Variants in CACYBP observed in about 807,000 individuals in gnomAD.
The protein encoded by CACYBP is calcyclin binding protein.
Under a neutral mutation model 29.6 loss-of-function variants are expected in CACYBP, and 11 were observed. That is an observed-to-expected ratio of 0.37 (90% CI 0.23 to 0.61). The LOEUF (loss-of-function observed/expected upper bound fraction) is 0.61. Among genes scored for constraint, CACYBP ranks in the 20% least tolerant of loss-of-function variants. The pLI is 0.65. For missense variants in CACYBP, 163 were observed against 260.7 expected (o/e 0.63, Z 2.58); for synonymous variants, 73 against 88.3 (o/e 0.83, Z 0.97).
intron 5 of CACYBP, among the ~76,000 whole-genome samples, chr1:175,009,643 C>CAAAAAAAAAAAAAAAAAAAAAAAAAAAA (rs67446162): frequency 9.9e-6 from 1 of 100,506 alleles, no homozygotes; most frequent in Non-Finnish European, 1.9e-5. Context: ...AGGACTGTCT[C>CAAAAAAAAAAAAAAAAAAAAAAAAAAAA]AAAAAAAAAA....
At position 175,004,657 on chromosome 1, in the gene CACYBP, C is replaced by T. The variant is rs1197990104; in HGVS notation, c.59C>T (p.Ala20Val). The part of the protein sequence containing the change: ...LEEVKVLLEK[A>V]TRKRVRDALT... Reference sequence around the variant, plus strand: ...GAGGTAAAGGTGTTGCTGGAAAAGGCTACTAGGAAAAGAGTACGTGATGCC... The same window carrying T: ...GAGGTAAAGGTGTTGCTGGAAAAGGTTACTAGGAAAAGAGTACGTGATGCC... Residue 20 changes from alanine to valine, a missense_variant, in exon 2 of 6, where the codon GCT becomes GTT. Coordinates refer to ENST00000367679, the MANE Select transcript of CACYBP (RefSeq NM_014412.3). 6.2e-7 allele frequency: 1 copy of T among 1,612,278 alleles called. No homozygotes were observed.
At chr1:175,000,692 C>G (rs1672455212) in intron 1 of CACYBP, 2 of 815,750 alleles carry the variant, frequency 2.5e-6, no homozygotes, top group South Asian at 5.3e-5. Flanking sequence ...TTTAGCTTCT[C>G]TGTGTCGCAG....
At chr1:175,005,536 G>C (rs1335314187) in intron 2 of CACYBP, among the ~76,000 whole-genome samples, 6 of 152,154 alleles carry the variant, frequency 3.9e-5, no homozygotes, top group Non-Finnish European at 7.4e-5. Flanking sequence ...TGAGTGTGAA[G>C]GGTGAGTCGT....
chr1:175,004,969 A>G, intron 2 of CACYBP, 136 bp downstream of exon 2: 1 of 710,036 alleles, frequency 1.4e-6, no homozygotes, highest in Non-Finnish European at 2.6e-6. Flanking sequence ...TTTTTATTTA[A>G]TAAAACTTTT....
chr1:175,002,363 G>A (rs1672513840), intron 1 of CACYBP, among the ~76,000 whole-genome samples: 1 of 152,026 alleles, frequency 6.6e-6, no homozygotes, highest in African/African-American at 2.4e-5. Flanking sequence ...TTTGATATGC[G>A]TTTACCCAAT....
At chr1:175,007,070 AGAT>A (rs754817774) in intron 3 of CACYBP, 25 bp from the exon 4 acceptor site, 1 of 1,401,426 alleles carries the variant, frequency 7.1e-7, no homozygotes, top group Non-Finnish European at 1.0e-6. Flanking sequence ...AGAACTAGAA[AGAT>A]GATGTATTCA....
rs1672737166 is a variant in CACYBP at position 175,011,018 on chromosome 1, C to G, written c.*939C>G. 6.7e-6 allele frequency: 1 copy of G among 150,200 alleles called. No individual in the cohort carries two copies. Among genetic ancestry groups the G allele is most frequent in the African/African-American group, 2.5e-5 (1 of 40,616 alleles). 9.3% of individuals were successfully genotyped at this position (150,200 alleles called of 1,614,324 possible). ...ATCCCAGCTACTAAGGCTGGAGGAT[C>G]ACTTCAGCCCAGGAGTTTAAGGCTG... is the stretch of plus-strand genomic sequence containing the variant. On this transcript the variant is annotated 3_prime_UTR_variant, in exon 6 of 6. Transcript: ENST00000367679.
At position 175,011,713 on chromosome 1, in the gene CACYBP, T is replaced by C. The variant is rs1672761429; in HGVS notation, c.*1634T>C. On this transcript the variant is annotated 3_prime_UTR_variant, in exon 6 of 6. Transcript: ENST00000367679. ...ATAAACCAGTGTTTTTACCTTTCAC[T>C]TGAAAAAGAAGTATAAAAACAACTG... The C allele has an allele frequency of 6.6e-6, 1 of 152,198 alleles. No individual in the cohort carries two copies. The highest frequency in any genetic ancestry group is 2.4e-5 in the African/African-American group (1 of 41,448). 9.4% of individuals were successfully genotyped at this position (152,198 alleles called of 1,614,324 possible). A position where few individuals can be genotyped will look rare whatever the true frequency, so the allele number is the denominator to read the frequency against.
rs1455248406 is a variant in CACYBP, at chr1:175,010,313, A to AGGGT, written c.*235_*238dup. On this transcript the variant is annotated 3_prime_UTR_variant, in exon 6 of 6. Coordinates refer to ENST00000367679, the MANE Select transcript of CACYBP (RefSeq NM_014412.3). ...GTACCCTGGTCATTTTGTTCAAGGAAGGGTTATATTGCATTCTCACGTGAA... is the reference window on the plus strand; with the variant it reads ...GTACCCTGGTCATTTTGTTCAAGGAAGGGTGGGTTATATTGCATTCTCACGTGAA... The AGGGT allele has an allele frequency of 8.8e-6, 3 of 341,930 alleles. No homozygotes were observed. The highest frequency in any genetic ancestry group is 4.2e-5 in the African/African-American group (2 of 47,338). 21.2% of individuals were successfully genotyped at this position (341,930 alleles called of 1,614,324 possible).
At chr1:175,000,539 T>G (rs1034896545) in intron 1 of CACYBP, 2 of 1,214,254 alleles carry the variant, frequency 1.6e-6, no homozygotes, top group Non-Finnish European at 2.1e-6. Context: ...GACAGGAAGC[T>G]TCATTCAAGC....
At chr1:175,000,412 G>T in intron 1 of CACYBP, 1 of 1,404,730 alleles carries the variant, frequency 7.1e-7, no homozygotes. Flanking sequence ...TCGCCTGCTG[G>T]GCTCGAGCGG....
Position 175,009,887 on chromosome 1 carries a change from C to T in CACYBP, c.531-36C>T, listed in dbSNP as rs771182530. 20 of 1,559,138 alleles carry T rather than the reference C, an allele frequency of 1.3e-5. No individual in the cohort carries two copies. The Admixed American group carries it at 1.5e-4, about 12-fold the overall frequency. ...GAATGATAGTATCTTCCGGTGCTTTCGTTTCCCCATTGTTGTATATGTTTT... is the reference window on the plus strand; with the variant it reads ...GAATGATAGTATCTTCCGGTGCTTTTGTTTCCCCATTGTTGTATATGTTTT... On this transcript the variant is annotated intron_variant, in intron 5 of 5. Transcript: ENST00000367679.
chr1:175,007,952 T>C (rs1672657158), intron 4 of CACYBP, among the ~76,000 whole-genome samples: 1 of 152,228 alleles, frequency 6.6e-6, no homozygotes, highest in African/African-American at 2.4e-5. Context: ...GTTTTTATAA[T>C]ACATAATTAC....
At chr1:175,003,886 G>A (rs1337252682) in intron 1 of CACYBP, among the ~76,000 whole-genome samples, 1 of 152,152 alleles carries the variant, frequency 6.6e-6, no homozygotes, top group African/African-American at 2.4e-5. Flanking sequence ...TGATGGATTG[G>A]CAAGAGAAGA....
chr1:175,010,833 A>ATGTC lies in CACYBP; in HGVS notation c.*755_*758dup, dbSNP rs1233455238. 2 of 152,208 alleles carry ATGTC rather than the reference A, an allele frequency of 1.3e-5. No homozygotes were observed. The highest frequency in any genetic ancestry group is 3.9e-4 in the East Asian group (2 of 5,194). The allele number at this position is 152,208 out of a possible 1,614,324, so 9.4% of individuals were successfully genotyped here. ...TTTTATGATTTATTTGTCTAGGAGT[A>ATGTC]TGTCAGAAAAATCAGGCTTTTAGTA... On this transcript the variant is annotated 3_prime_UTR_variant, in exon 6 of 6. Coordinates refer to ENST00000367679, the MANE Select transcript of CACYBP (RefSeq NM_014412.3).
At chr1:175,009,841 T>C in intron 5 of CACYBP, 82 bp from the exon 6 acceptor site, 1 of 1,075,224 alleles carries the variant, frequency 9.3e-7, no homozygotes, top group Non-Finnish European at 1.4e-6. Flanking sequence ...TCCCTCTACT[T>C]CCTGCCAGTG....
Position 175,011,106 on chromosome 1 carries a change from T to TAAAAAAAAAAAAAAAAAA in CACYBP, c.*1031_*1048dup, listed in dbSNP as rs535813233. On this transcript the variant is annotated 3_prime_UTR_variant, in exon 6 of 6. Coordinates refer to ENST00000367679, the MANE Select transcript of CACYBP (RefSeq NM_014412.3). Reference sequence around the variant, plus strand: ...GTAACAGATTGAGAACCTGTCTCATTAAAAAAAAAAAAAAAAAAAAAGCCG... The same window carrying TAAAAAAAAAAAAAAAAAA: ...GTAACAGATTGAGAACCTGTCTCATTAAAAAAAAAAAAAAAAAAAAAAAAAAAAAAAAAAAAAAAGCCG... 1.2e-5 allele frequency: 1 copy of TAAAAAAAAAAAAAAAAAA among 85,224 alleles called. No homozygotes were observed. The allele number at this position is 85,224 out of a possible 1,614,324, so 5.3% of individuals were successfully genotyped here.
At chr1:175,009,168 C>T (rs1479353481) in intron 5 of CACYBP, among the ~76,000 whole-genome samples, 2 of 152,078 alleles carry the variant, frequency 1.3e-5, no homozygotes, top group Non-Finnish European at 2.9e-5. Flanking sequence ...AAGACCCAGG[C>T]CCAGATCTGT....
At chr1:175,008,527 T>C (rs949278404) in intron 4 of CACYBP, 82 bp from the exon 5 acceptor site, 1 of 761,436 alleles carries the variant, frequency 1.3e-6, no homozygotes, top group South Asian at 1.6e-5. Context: ...ACTTGATCAA[T>C]TGAATAGATA....
Sources: gnomAD v4.1 joint callset for allele counts (sites outside exome capture counted in the v4.1 genomes callset) on GRCh38, gnomAD v4.1.1 for gene constraint, MANE v1.5 for transcripts, NCBI Gene and HGNC (gene_info 2026-07-23, HGNC 2026-07-21) for gene names.